The following NKAIN3 variants were observed in gnomAD, a reference collection of about 807,000 sequenced individuals.
NKAIN3 encodes the protein sodium/potassium transporting ATPase interacting 3.
A neutral mutation model predicts 30.2 loss-of-function variants in NKAIN3; 25 were observed. That is an observed-to-expected ratio of 0.83 (90% confidence interval 0.60 to 1.16). NKAIN3 has a LOEUF of 1.16. Ranked by LOEUF, NKAIN3 falls within the 50% of genes most tolerant of loss-of-function variation. The probability of loss-of-function intolerance (pLI) is 0.00; values close to 1 mark genes in which losing one functional copy is unlikely to be tolerated. For missense variants in NKAIN3, 225 were observed against 254.1 expected (o/e 0.89, Z 0.78); for synonymous variants, 91 against 89.6 (o/e 1.02, Z -0.09).
At chr8:62,325,612 G>A (rs1231329780) in intron 1 of NKAIN3, among the ~76,000 whole-genome samples, 1 of 152,038 alleles carries the variant, frequency 6.6e-6, no homozygotes, top group East Asian at 1.9e-4. Context: ...GTGTAAAAAT[G>A]TTCCCTTTTC....
chr8:62,950,610 C>A (rs921311788), intron 5 of NKAIN3, among the ~76,000 whole-genome samples: 1 of 151,276 alleles, frequency 6.6e-6, no homozygotes. Flanking sequence ...GAAGGTATAG[C>A]CAAAAAACAA....
Position 62,974,223 on chromosome 8 carries a change from G to A in NKAIN3, c.*8816G>A, listed in dbSNP as rs997967145. On this transcript the variant is annotated 3_prime_UTR_variant, in exon 7 of 7. Coordinates refer to ENST00000623646, the MANE Select transcript of NKAIN3 (RefSeq NM_001304533.3). ...AAGAAAATCAATGTTAGTTTGATGG[G>A]AATAGCATTGAATCTATAAATTACT... Among the ~76,000 whole-genome samples, 2 of 152,128 alleles carry A rather than the reference G, an allele frequency of 1.3e-5. No homozygotes were observed. Among genetic ancestry groups the A allele is most frequent in the African/African-American group, 2.4e-5 (1 of 41,424 alleles).
At chr8:62,455,506 G>C (rs1464998627) in intron 1 of NKAIN3, among the ~76,000 whole-genome samples, 1 of 152,118 alleles carries the variant, frequency 6.6e-6, no homozygotes, top group African/African-American at 2.4e-5. Flanking sequence ...ATAGATACTG[G>C]GGACTACAAG....
intron 1 of NKAIN3, among the ~76,000 whole-genome samples, chr8:62,369,778 G>T (rs1816851652): frequency 1.3e-5 from 2 of 151,320 alleles, no homozygotes; most frequent in Admixed American, 6.6e-5. Context: ...TTTTTTAAGA[G>T]AATTGTAACT....
At chr8:62,249,162 TCC>T (rs1290335199) in intron 1 of NKAIN3, 35 bp downstream of exon 1, 1 of 1,505,148 alleles carries the variant, frequency 6.6e-7, no homozygotes, top group East Asian at 2.7e-5. Context: ...CCAGGACAGG[TCC>T]CTGCTCCAGG....
chr8:62,550,466 T>A lies in NKAIN3; in HGVS notation c.55-29073T>A, dbSNP rs563730277. ...TGTTTTCAGTTGTTGTTTCTCTAAA[T>A]CTTTAACAGAGACCTATAGGTTCCT... On this transcript the variant is annotated intron_variant, in intron 1 of 6. Coordinates refer to ENST00000623646, the MANE Select transcript of NKAIN3 (RefSeq NM_001304533.3). Among the ~76,000 whole-genome samples, 4 of 152,348 alleles carry A rather than the reference T, an allele frequency of 2.6e-5. No homozygotes were observed. In the East Asian group the frequency reaches 7.7e-4, roughly 29 times the overall value.
In NKAIN3 at chr8:62,995,492, CTG is replaced by C. The variant is rs549699276; in HGVS notation, c.533-3735_533-3734del. Among the ~76,000 whole-genome samples, 269 of 152,274 alleles carry C rather than the reference CTG, an allele frequency of 1.8e-3. 1 individual carries two copies. The highest frequency in any genetic ancestry group is 6.1e-3 in the African/African-American group (252 of 41,558). On this transcript the variant is annotated intron_variant, in intron 5 of 5. Coordinates refer to the NKAIN3 transcript ENST00000519049. The stretch of plus-strand genomic sequence containing the variant: ...AGGGAGGACCTTTGTTCACACTGCT[CTG>C]TGTCTGTTGTGCTGACCTGGGACTA...
At chr8:62,615,041 T>C (rs1811409269) in intron 3 of NKAIN3, among the ~76,000 whole-genome samples, 1 of 152,058 alleles carries the variant, frequency 6.6e-6, no homozygotes, top group African/African-American at 2.4e-5. Context: ...CCCCTTTACT[T>C]TTCCCTCTGC....
In NKAIN3 at chr8:62,977,503, T is replaced by C. The variant is rs1357583283; in HGVS notation, c.*12096T>C. Among the ~76,000 whole-genome samples the C allele has an allele frequency of 6.6e-6, 1 of 152,012 alleles. No individual in the cohort carries two copies. Among genetic ancestry groups the C allele is most frequent in the Non-Finnish European group, 1.5e-5 (1 of 68,014 alleles). ...ATCGATTCAGCTATTGATACTTGTGTATGCTTCATGAAGTTCTCGTGCTGT... is the reference window on the plus strand; with the variant it reads ...ATCGATTCAGCTATTGATACTTGTGCATGCTTCATGAAGTTCTCGTGCTGT... On this transcript the variant is annotated 3_prime_UTR_variant, in exon 7 of 7. Transcript: ENST00000623646.
rs554838753 is a variant in NKAIN3, at chr8:62,635,639, G to T, written c.273+45845G>T. ...TCCTTATAAAAGAGACTGTGAGAGG[G>T]CTCCCTTGCCCCTCCTGTCATGTGA... On this transcript the variant is annotated intron_variant, in intron 3 of 6. Coordinates refer to ENST00000623646, the MANE Select transcript of NKAIN3 (RefSeq NM_001304533.3). Among the ~76,000 whole-genome samples the T allele has an allele frequency of 2.8e-4, 43 of 152,180 alleles. No individual in the cohort carries two copies. The South Asian group carries it at 7.7e-3, about 27-fold the overall frequency.
rs1233048453 is a variant in NKAIN3, at chr8:62,843,448, T to C, written c.472-75005T>C. Among the ~76,000 whole-genome samples, 6 of 152,074 alleles carry C rather than the reference T, an allele frequency of 3.9e-5. No individual in the cohort carries two copies. The East Asian group carries it at 1.2e-3, about 30-fold the overall frequency. On this transcript the variant is annotated intron_variant, in intron 4 of 6. Transcript: ENST00000623646. Reference sequence around the variant, plus strand: ...ACCTCACTCATTCAAGTGATTCTCCTGCCTCAGCTTCCCAAGTAGCTGGGA... The same window carrying C: ...ACCTCACTCATTCAAGTGATTCTCCCGCCTCAGCTTCCCAAGTAGCTGGGA...
At chr8:62,945,263 G>A (rs974600235) in intron 5 of NKAIN3, among the ~76,000 whole-genome samples, 3 of 152,210 alleles carry the variant, frequency 2.0e-5, no homozygotes, top group African/African-American at 7.2e-5. Flanking sequence ...AGGTTGATCT[G>A]TAGATAAAGA....
chr8:62,907,013 T>C (rs1255463713), intron 4 of NKAIN3, among the ~76,000 whole-genome samples: 1 of 152,226 alleles, frequency 6.6e-6, no homozygotes, highest in Non-Finnish European at 1.5e-5. Flanking sequence ...TGGAACTCCC[T>C]AGAGACTTAT....
At chr8:62,819,154 T>TATATATATATATATATAC (rs1184020630) in intron 4 of NKAIN3, among the ~76,000 whole-genome samples, 11 of 32,708 alleles carry the variant, frequency 3.4e-4, no homozygotes, top group African/African-American at 8.4e-4. Flanking sequence ...TATATATACA[T>TATATATATATATATATAC]ATATATATAT....
At chr8:62,439,885 A>G (rs1452725530) in intron 1 of NKAIN3, among the ~76,000 whole-genome samples, 1 of 152,158 alleles carries the variant, frequency 6.6e-6, no homozygotes, top group Admixed American at 6.6e-5. Context: ...TTAAATAAGT[A>G]TTACTTCAAT....
intron 1 of NKAIN3, among the ~76,000 whole-genome samples, chr8:62,283,003 C>T (rs981028434): frequency 6.6e-6 from 1 of 152,296 alleles, no homozygotes; most frequent in South Asian, 2.1e-4. Context: ...GTGTTGAGTT[C>T]TGAACTCAGA....
Position 62,966,597 on chromosome 8 carries a change from A to C in NKAIN3, c.*1190A>C, listed in dbSNP as rs1335207064. On this transcript the variant is annotated 3_prime_UTR_variant, in exon 7 of 7. Coordinates refer to ENST00000623646, the MANE Select transcript of NKAIN3 (RefSeq NM_001304533.3). ...ATGCCCTCTTTCAGGCAATGCCTAC[A>C]TTCTCACAGACAACCACTGTGCTAA... is the stretch of plus-strand genomic sequence containing the variant. 1 of 154,926 alleles carries C rather than the reference A, an allele frequency of 6.5e-6. No individual in the cohort carries two copies. Among genetic ancestry groups the C allele is most frequent in the African/African-American group, 2.4e-5 (1 of 41,512 alleles). 9.6% of individuals were successfully genotyped at this position (154,926 alleles called of 1,614,324 possible).
At chr8:62,856,029 T>C (rs1455429181) in intron 4 of NKAIN3, 1 of 684,758 alleles carries the variant, frequency 1.5e-6, no homozygotes, top group Admixed American at 2.2e-5. Flanking sequence ...GGGCCTCAGA[T>C]GATGGTGCTT....
intron 1 of NKAIN3, among the ~76,000 whole-genome samples, chr8:62,332,552 T>C (rs1392787435): frequency 6.6e-6 from 1 of 152,070 alleles, no homozygotes; most frequent in East Asian, 1.9e-4. Context: ...TTGAGTGACA[T>C]GGATAATAAT....
Sources: allele counts gnomAD v4.1 joint callset (sites outside exome capture counted in the v4.1 genomes callset), GRCh38; gene constraint gnomAD v4.1.1; transcripts MANE v1.5; gene names NCBI Gene and HGNC (gene_info 2026-07-23, HGNC 2026-07-21).